The following CNTN5 variants were observed in gnomAD, a reference collection of about 807,000 sequenced individuals.
CNTN5 encodes the protein contactin 5.
A neutral mutation model predicts 129.1 loss-of-function variants in CNTN5; 77 were observed. The observed-to-expected ratio is 0.60, with a 90% CI of 0.50 to 0.72. The LOEUF is 0.72. CNTN5 is among the 30% of genes least tolerant of loss of function. The pLI, the probability that CNTN5 is intolerant of heterozygous loss-of-function variation, is 0.00. For synonymous variants in CNTN5, 509 were observed against 465.6 expected, an observed-to-expected ratio of 1.09 and a Z score of -1.20; for missense variants, 1,478 against 1,328.8, an observed-to-expected ratio of 1.11 and a Z score of -1.75.
At chr11:100,303,882 G>A (rs567862311) in intron 20 of CNTN5, among the ~76,000 whole-genome samples, 2 of 151,686 alleles carry the variant, frequency 1.3e-5, no homozygotes, top group African/African-American at 4.8e-5. Flanking sequence ...GATCTATTTG[G>A]ATTAGTGCCT....
At chr11:100,070,165 C>CAAAAAA (rs3061793) in intron 10 of CNTN5, among the ~76,000 whole-genome samples, 1 of 109,258 alleles carries the variant, frequency 9.2e-6, no homozygotes. Context: ...ACTTAAAGTC[C>CAAAAAA]AAAAAAAAAA....
At chr11:100,093,194 T>A (rs778445604) in intron 13 of CNTN5, among the ~76,000 whole-genome samples, 2 of 152,124 alleles carry the variant, frequency 1.3e-5, no homozygotes, top group Admixed American at 1.3e-4. Flanking sequence ...AGTTATGATC[T>A]AGCTGTGGGA....
At chr11:99,934,937 TATATATATATAC>T (rs1342937497) in intron 7 of CNTN5, among the ~76,000 whole-genome samples, 1,808 of 89,472 alleles carry the variant, frequency 0.02, 46 homozygotes, top group African/African-American at 0.05. Flanking sequence ...TATATATATA[TATATATATATAC>T]ACACACATAT....
intron 9 of CNTN5, among the ~76,000 whole-genome samples, chr11:100,014,705 T>G (rs961623859): frequency 6.6e-6 from 1 of 152,198 alleles, no homozygotes; most frequent in Non-Finnish European, 1.5e-5. Flanking sequence ...TCTGTTTGGT[T>G]GTCTATTGTT....
intron 9 of CNTN5, among the ~76,000 whole-genome samples, chr11:100,020,570 C>G (rs1007035624): frequency 2.6e-5 from 4 of 152,014 alleles, no homozygotes; most frequent in Non-Finnish European, 5.9e-5. Context: ...GTATAATGCA[C>G]CCAGTTTGTT....
intron 2 of CNTN5, among the ~76,000 whole-genome samples, chr11:99,403,794 T>A (rs565922999): frequency 6.6e-6 from 1 of 152,332 alleles, no homozygotes; most frequent in East Asian, 1.9e-4. Flanking sequence ...TCCTTGATGA[T>A]GATCCATGTG....
chr11:100,221,426 C>T (rs1199699111), intron 15 of CNTN5, among the ~76,000 whole-genome samples: 1 of 152,174 alleles, frequency 6.6e-6, no homozygotes, highest in Non-Finnish European at 1.5e-5. Flanking sequence ...ATATAATTGG[C>T]AGTCTTACGT....
chr11:100,181,783 AATATAG>A (rs2138455132), intron 13 of CNTN5, among the ~76,000 whole-genome samples: 1 of 152,162 alleles, frequency 6.6e-6, no homozygotes, highest in South Asian at 2.1e-4. Context: ...AAGCACCAAA[AATATAG>A]ATATAAACCT....
At chr11:99,382,085 A>G (rs1263481078) in intron 2 of CNTN5, among the ~76,000 whole-genome samples, 1 of 152,174 alleles carries the variant, frequency 6.6e-6, no homozygotes, top group East Asian at 1.9e-4. Flanking sequence ...TCAGGGAAAA[A>G]TCATATTTAC....
intron 12 of CNTN5, among the ~76,000 whole-genome samples, chr11:100,072,402 C>T (rs1943954989): frequency 6.6e-6 from 1 of 152,168 alleles, no homozygotes; most frequent in Non-Finnish European, 1.5e-5. Context: ...CCAGGCACTG[C>T]ATTTCTTCAC....
intron 1 of CNTN5, among the ~76,000 whole-genome samples, chr11:99,220,322 A>G (rs1333723247): frequency 6.6e-6 from 1 of 152,032 alleles, no homozygotes; most frequent in Non-Finnish European, 1.5e-5. Flanking sequence ...GATGTTAAAA[A>G]TAAAAACACT....
chr11:99,786,607 C>G (rs868095204), intron 3 of CNTN5, among the ~76,000 whole-genome samples: 22 of 152,242 alleles, frequency 1.4e-4, no homozygotes, highest in African/African-American at 5.3e-4. Flanking sequence ...TCAAACTATA[C>G]TACAAAGCTG....
chr11:100,350,831 G>A lies in CNTN5; in HGVS notation c.3160G>A (p.Gly1054Arg), dbSNP rs866244785. ...EVRAYSEGGD[G>R]TASSQIRVPS... Reference sequence around the variant, plus strand: ...TCGAGCATATAGTGAAGGAGGAGATGGAACAGCTAGTTCTCAAATTAGGGT... The same window carrying A: ...TCGAGCATATAGTGAAGGAGGAGATAGAACAGCTAGTTCTCAAATTAGGGT... Residue 1054 changes from glycine (G) to arginine (R), a missense_variant, in exon 24 of 25, where the codon GGA becomes AGA. Physicochemically the swap from Gly to Arg is moderately radical, Grantham distance 125. Coordinates refer to ENST00000524871, the MANE Select transcript of CNTN5 (RefSeq NM_014361.4). The A allele has an allele frequency of 1.3e-5, 21 of 1,595,174 alleles. No homozygotes were observed. Among genetic ancestry groups the A allele is most frequent in the Non-Finnish European group, 1.8e-5 (21 of 1,168,978 alleles).
chr11:100,054,394 A>G (rs1254243124), intron 9 of CNTN5, among the ~76,000 whole-genome samples: 1 of 151,736 alleles, frequency 6.6e-6, no homozygotes, highest in Non-Finnish European at 1.5e-5. Context: ...ATTTTCATTT[A>G]TTCTCCCAAC....
At chr11:99,311,110 G>C (rs1364721849) in intron 1 of CNTN5, among the ~76,000 whole-genome samples, 2 of 152,028 alleles carry the variant, frequency 1.3e-5, no homozygotes, top group Non-Finnish European at 2.9e-5. Context: ...TGTATTTTTA[G>C]TAGAGACTGG....
At chr11:99,507,145 A>G (rs965400670) in intron 2 of CNTN5, among the ~76,000 whole-genome samples, 2 of 152,170 alleles carry the variant, frequency 1.3e-5, no homozygotes, top group Middle Eastern at 3.4e-3. Context: ...TGGGAGGCCG[A>G]GGCAGGCAGA....
intron 8 of CNTN5, among the ~76,000 whole-genome samples, chr11:100,000,915 T>A (rs1309927772): frequency 6.6e-6 from 1 of 151,960 alleles, no homozygotes; most frequent in African/African-American, 2.4e-5. Flanking sequence ...ATGGCTGGAG[T>A]TGGAGCAGCT....
intron 21 of CNTN5, among the ~76,000 whole-genome samples, chr11:100,321,254 G>T (rs1209005136): frequency 2.0e-5 from 3 of 147,170 alleles, no homozygotes; most frequent in African/African-American, 7.5e-5. Flanking sequence ...GTTTAATTTA[G>T]AAATCCTTCA....
intron 2 of CNTN5, among the ~76,000 whole-genome samples, chr11:99,437,410 T>C (rs531624990): frequency 1.3e-5 from 2 of 152,294 alleles, no homozygotes; most frequent in South Asian, 4.1e-4. Flanking sequence ...ATAAAGTTAA[T>C]TGTAGAGACT....
Sources: allele counts gnomAD v4.1 joint callset (sites outside exome capture counted in the v4.1 genomes callset), GRCh38; gene constraint gnomAD v4.1.1; transcripts MANE v1.5; gene names NCBI Gene and HGNC (gene_info 2026-07-23, HGNC 2026-07-21).